The following DNAH14 variants were observed in gnomAD, a reference collection of about 807,000 sequenced individuals.
DNAH14 encodes axonemal beta dynein heavy chain 14.
Under a neutral mutation model 520.9 loss-of-function variants are expected in DNAH14, and 478 were observed. The ratio of observed to expected loss-of-function variants is 0.92; its 90% CI spans 0.85 to 0.99. The LOEUF is 0.99. Ranked by LOEUF, DNAH14 falls within the 50% of genes least tolerant of loss-of-function variation. The pLI is 0.00. For missense variants in DNAH14, 4,831 were observed against 5,234.5 expected (o/e 0.92, Z 2.38); for synonymous variants, 1,581 against 1,757.2 (o/e 0.90, Z 2.51).
chr1:225,068,054 C>T (rs1179937831), intron 17 of DNAH14, among the ~76,000 whole-genome samples: 1 of 151,980 alleles, frequency 6.6e-6, no homozygotes, highest in Non-Finnish European at 1.5e-5. Context: ...TTGCCTAGGT[C>T]ATCTTCCAGG....
chr1:225,177,178 A>G (rs2083429733), intron 36 of DNAH14, among the ~76,000 whole-genome samples: 1 of 152,234 alleles, frequency 6.6e-6, no homozygotes, highest in Admixed American at 6.5e-5. Flanking sequence ...AAGTTTTAAC[A>G]AAGAGACTGG....
intron 69 of DNAH14, among the ~76,000 whole-genome samples, 164 bp from the exon 70 acceptor site, chr1:225,345,798 T>G (rs1417700410): frequency 6.6e-6 from 1 of 152,164 alleles, no homozygotes; most frequent in Non-Finnish European, 1.5e-5. Context: ...ATTAATCAAA[T>G]TCTTATTAGA....
chr1:225,038,985 A>G (rs2067212074), intron 12 of DNAH14, among the ~76,000 whole-genome samples, 162 bp downstream of exon 12: 1 of 152,134 alleles, frequency 6.6e-6, no homozygotes, highest in Non-Finnish European at 1.5e-5. Context: ...AAAAAGCCAT[A>G]TTGACACTTA....
intron 81 of DNAH14, among the ~76,000 whole-genome samples, chr1:225,387,204 ATGG>A (rs1247474298): frequency 4.7e-5 from 7 of 150,468 alleles, no homozygotes; most frequent in Admixed American, 2.6e-4. Context: ...ACTTGGACAC[ATGG>A]TGGGGAACAT....
intron 42 of DNAH14, among the ~76,000 whole-genome samples, chr1:225,233,869 T>C (rs569508702): frequency 6.6e-6 from 1 of 152,240 alleles, no homozygotes. Flanking sequence ...CCCGTGCCTA[T>C]ATTCTGAATG....
chr1:225,277,207 A>G (rs537218074), intron 53 of DNAH14, among the ~76,000 whole-genome samples: 51 of 151,646 alleles, frequency 3.4e-4, no homozygotes, highest in Admixed American at 4.6e-4. Context: ...CTTCTAATCT[A>G]CTCACAAGAA....
At chr1:225,330,669 G>GGAA (rs770450943) in intron 64 of DNAH14, among the ~76,000 whole-genome samples, 1 of 152,094 alleles carries the variant, frequency 6.6e-6, no homozygotes, top group Non-Finnish European at 1.5e-5. Flanking sequence ...AAGGGTAGTG[G>GGAA]GAAGGTATGA....
Position 225,318,608 on chromosome 1 carries a change from T to G in DNAH14, c.9266T>G (p.Val3089Gly). 2 of 1,548,714 alleles carry G rather than the reference T, an allele frequency of 1.3e-6. No homozygotes were observed. The highest frequency in any genetic ancestry group is 1.7e-6 in the Non-Finnish European group (2 of 1,145,464). Residue 3089 changes from valine to glycine, a missense_variant, in exon 61 of 86, where the codon GTG (valine) becomes GGG (glycine). Physicochemically the swap from Val to Gly is moderately radical, Grantham distance 109. Transcript: ENST00000682510. ...AAAACTGCCAATGAACTAAAAAGTGTGCTGCCAGCCTTTGACAAGGCAATT... is the reference window on the plus strand; with the variant it reads ...AAAACTGCCAATGAACTAAAAAGTGGGCTGCCAGCCTTTGACAAGGCAATT... ...AQKTANELKS[V>G]LPAFDKAIVA... is the part of the protein sequence containing the mutation.
At chr1:225,089,337 G>C (rs537493741) in intron 21 of DNAH14, among the ~76,000 whole-genome samples, 1 of 151,264 alleles carries the variant, frequency 6.6e-6, no homozygotes, top group East Asian at 2.0e-4. Flanking sequence ...CCAGCTACTT[G>C]GAAGGCTGAG....
At chr1:225,223,508 C>T (rs2090250618) in intron 41 of DNAH14, among the ~76,000 whole-genome samples, 1 of 152,132 alleles carries the variant, frequency 6.6e-6, no homozygotes, top group Admixed American at 6.6e-5. Flanking sequence ...TCAAACACCC[C>T]TTGGAATTCG....
chr1:225,206,428 CAAAT>C (rs2087565287), intron 40 of DNAH14, among the ~76,000 whole-genome samples: 1 of 151,996 alleles, frequency 6.6e-6, no homozygotes, highest in Non-Finnish European at 1.5e-5. Context: ...TGTGGGTAAA[CAAAT>C]AGACAGGTTA....
chr1:225,318,281 C>T (rs1254553593), intron 60 of DNAH14, among the ~76,000 whole-genome samples: 1 of 152,122 alleles, frequency 6.6e-6, no homozygotes, highest in Non-Finnish European at 1.5e-5. Flanking sequence ...CTTAACTGGA[C>T]CATTCCTCAA....
intron 38 of DNAH14, among the ~76,000 whole-genome samples, chr1:225,196,848 T>C (rs780305938): frequency 4.2e-5 from 5 of 120,404 alleles, no homozygotes; most frequent in African/African-American, 1.0e-4. Flanking sequence ...AGCCCACTTA[T>C]TGATGGGATT....
intron 17 of DNAH14, among the ~76,000 whole-genome samples, chr1:225,064,588 A>AG (rs978863646): frequency 2.0e-5 from 3 of 151,762 alleles, no homozygotes; most frequent in Admixed American, 6.6e-5. Flanking sequence ...AGCATTAAAA[A>AG]AAAGAACAAG....
chr1:225,294,911 T>G lies in DNAH14; in HGVS notation c.8469+4829T>G, dbSNP rs185114691. On this transcript the variant is annotated intron_variant, in intron 55 of 85. Transcript: ENST00000682510. ...TTGTTGTTGTTTGTTTGTTTGTTTT[T>G]GGGAGAGTTTTTATTACTGATCAAT... Among the ~76,000 whole-genome samples the G allele has an allele frequency of 2.3e-3, 355 of 152,238 alleles. 3 individuals are homozygous for G. Among genetic ancestry groups the G allele is most frequent in the African/African-American group, 8.0e-3 (334 of 41,568 alleles).
At chr1:225,100,291 T>C in intron 22 of DNAH14, among the ~76,000 whole-genome samples, 1 of 152,166 alleles carries the variant, frequency 6.6e-6, no homozygotes, top group East Asian at 1.9e-4. Flanking sequence ...GCCCCCTCTG[T>C]CTTCTATTCA....
intron 10 of DNAH14, among the ~76,000 whole-genome samples, chr1:225,020,759 C>T (rs76513223): frequency 0.042 from 6,347 of 152,194 alleles, 218 homozygotes; most frequent in Non-Finnish European, 0.061. Context: ...ACCAATCCTA[C>T]TGAAATTATT....
chr1:225,339,818 G>A (rs1445062369), intron 68 of DNAH14, among the ~76,000 whole-genome samples: 1 of 152,006 alleles, frequency 6.6e-6, no homozygotes, highest in Non-Finnish European at 1.5e-5. Context: ...TTATTAATCT[G>A]CCCACTCTTC....
chr1:225,020,736 G>A (rs928272710), intron 10 of DNAH14, among the ~76,000 whole-genome samples: 1 of 151,740 alleles, frequency 6.6e-6, no homozygotes, highest in Non-Finnish European at 1.5e-5. Context: ...TACCAAATAC[G>A]CAAAGAGCTA....
Sources: allele counts gnomAD v4.1 joint callset (sites outside exome capture counted in the v4.1 genomes callset), GRCh38; gene constraint gnomAD v4.1.1; transcripts MANE v1.5; gene names NCBI Gene and HGNC (gene_info 2026-07-23, HGNC 2026-07-21).